PCDH9: variants seen among roughly 807,000 people sequenced by gnomAD.
The protein encoded by PCDH9 is protocadherin 9, also known as protocadherin-9.
PCDH9 carries 24 observed loss-of-function variants against 70.6 expected under a neutral mutation model. The ratio of observed to expected loss-of-function variants is 0.34; its 90% CI spans 0.25 to 0.48. The LOEUF is 0.48. Ranked by LOEUF, PCDH9 falls within the 20% of genes least tolerant of loss-of-function variation. The probability of loss-of-function intolerance (pLI) is 0.99; values close to 1 mark genes in which losing one functional copy is unlikely to be tolerated. For synonymous variants in PCDH9, 562 were observed against 558.5 expected (o/e 1.01, Z -0.09); for missense variants, 1,281 against 1,503.6 (o/e 0.85, Z 2.45).
chr13:66,895,100 G>A (rs1037988682), intron 3 of PCDH9, among the ~76,000 whole-genome samples: 1 of 152,042 alleles, frequency 6.6e-6, no homozygotes, highest in African/African-American at 2.4e-5. Context: ...GAGCCACCAC[G>A]CCCGGCCAAT....
At chr13:66,715,239 C>G (rs543557218) in intron 3 of PCDH9, among the ~76,000 whole-genome samples, 2 of 152,204 alleles carry the variant, frequency 1.3e-5, no homozygotes, top group African/African-American at 4.8e-5. Flanking sequence ...AAATCATTTT[C>G]TATTACACAG....
chr13:67,147,156 G>A lies in PCDH9; in HGVS notation c.3036+78249C>T, dbSNP rs970688901. Among the ~76,000 whole-genome samples, 7 of 152,050 alleles carry A rather than the reference G, an allele frequency of 4.6e-5. No homozygotes were observed. In the East Asian group the frequency reaches 5.8e-4, roughly 13 times the overall value. On this transcript the variant is annotated intron_variant, in intron 2 of 4. Coordinates refer to ENST00000377865, the MANE Select transcript of PCDH9 (RefSeq NM_203487.3). ...TTACAGTTCATCTGAAAAGACTTCCGAAATCATCATTTTCAGGCTTAACTT... is the reference window on the plus strand; with the variant it reads ...TTACAGTTCATCTGAAAAGACTTCCAAAATCATCATTTTCAGGCTTAACTT...
At chr13:66,845,484 GT>G (rs1249842913) in intron 3 of PCDH9, among the ~76,000 whole-genome samples, 8 of 152,222 alleles carry the variant, frequency 5.3e-5, no homozygotes, top group Non-Finnish European at 8.8e-5. Flanking sequence ...GGCTTCCTGG[GT>G]CCCCAAGAGT....
At chr13:66,954,001 T>C (rs533111624) in intron 2 of PCDH9, among the ~76,000 whole-genome samples, 29 of 152,334 alleles carry the variant, frequency 1.9e-4, no homozygotes, top group Admixed American at 1.2e-3. Context: ...ACAGCCAGCA[T>C]GCTTCACACT....
intron 3 of PCDH9, among the ~76,000 whole-genome samples, chr13:66,780,129 AT>A (rs1410008535): frequency 1.3e-5 from 2 of 151,964 alleles, no homozygotes; most frequent in Non-Finnish European, 2.9e-5. Context: ...AGGGGTATCT[AT>A]GTGAGATGAT....
intron 2 of PCDH9, among the ~76,000 whole-genome samples, chr13:67,060,217 G>A (rs2085512016): frequency 6.6e-6 from 1 of 152,086 alleles, no homozygotes; most frequent in Admixed American, 6.6e-5. Flanking sequence ...GAGCAAAAGA[G>A]ATCGTCCATG....
intron 3 of PCDH9, among the ~76,000 whole-genome samples, chr13:66,737,765 C>G (rs1313950234): frequency 7.2e-5 from 11 of 152,192 alleles, no homozygotes; most frequent in Non-Finnish European, 5.9e-5. Context: ...GCCACTCCCA[C>G]CCGAATATTG....
At chr13:66,899,061 A>G (rs2082233030) in intron 3 of PCDH9, among the ~76,000 whole-genome samples, 1 of 151,906 alleles carries the variant, frequency 6.6e-6, no homozygotes, top group Non-Finnish European at 1.5e-5. Context: ...CACCCCTCTT[A>G]CTCACCATTT....
At chr13:67,051,649 C>T (rs1361336635) in intron 2 of PCDH9, among the ~76,000 whole-genome samples, 1 of 151,860 alleles carries the variant, frequency 6.6e-6, no homozygotes, top group Admixed American at 6.6e-5. Context: ...CCCCAGCCTC[C>T]CAAAGTGCTG....
At chr13:66,444,192 A>G (rs1274104625) in intron 4 of PCDH9, among the ~76,000 whole-genome samples, 1 of 152,162 alleles carries the variant, frequency 6.6e-6, no homozygotes, top group Non-Finnish European at 1.5e-5. Flanking sequence ...TTCCACAAGA[A>G]ACTTTAACAA....
intron 4 of PCDH9, among the ~76,000 whole-genome samples, chr13:66,425,166 C>A (rs1957647285): frequency 6.6e-6 from 1 of 151,798 alleles, no homozygotes; most frequent in Non-Finnish European, 1.5e-5. Flanking sequence ...TATATATATT[C>A]TTTGAAAATA....
intron 2 of PCDH9, chr13:67,220,708 G>T (rs2089705531): frequency 6.6e-6 from 1 of 151,982 alleles, no homozygotes; most frequent in East Asian, 1.9e-4. Flanking sequence ...AATAATAAGA[G>T]AATAGAATAT....
chr13:67,205,668 G>C (rs2089321814), intron 2 of PCDH9: 1 of 152,152 alleles, frequency 6.6e-6, no homozygotes, highest in Admixed American at 6.5e-5. Context: ...TGGACAAAAA[G>C]GGTAGCATAT....
chr13:66,649,847 T>G (rs2077825391), intron 3 of PCDH9, among the ~76,000 whole-genome samples: 1 of 151,928 alleles, frequency 6.6e-6, no homozygotes, highest in African/African-American at 2.4e-5. Flanking sequence ...AGAGTTTTTA[T>G]TAGTTTCTTC....
chr13:66,731,250 C>G (rs1175514091), intron 3 of PCDH9, among the ~76,000 whole-genome samples: 4 of 151,988 alleles, frequency 2.6e-5, no homozygotes, highest in Non-Finnish European at 5.9e-5. Context: ...AAATAACTCA[C>G]TAAGGAAGCT....
chr13:66,853,510 G>A (rs1173356401), intron 3 of PCDH9, among the ~76,000 whole-genome samples: 1 of 151,940 alleles, frequency 6.6e-6, no homozygotes, highest in Non-Finnish European at 1.5e-5. Context: ...ATTGCACTAG[G>A]GATATATATT....
intron 3 of PCDH9, among the ~76,000 whole-genome samples, chr13:66,772,476 G>A (rs2079823444): frequency 6.6e-6 from 1 of 152,100 alleles, no homozygotes; most frequent in Non-Finnish European, 1.5e-5. Context: ...TGAAAGCTGT[G>A]TGTTATTCTT....
At chr13:66,317,474 TGG>T (rs1371071069) in intron 4 of PCDH9, among the ~76,000 whole-genome samples, 2 of 152,228 alleles carry the variant, frequency 1.3e-5, no homozygotes, top group Non-Finnish European at 2.9e-5. Flanking sequence ...TTAAAGGGAC[TGG>T]GAATTCCCCA....
At chr13:67,019,029 C>T (rs17070560) in intron 2 of PCDH9, among the ~76,000 whole-genome samples, 6,616 of 152,076 alleles carry the variant, frequency 0.044, 256 homozygotes, top group African/African-American at 0.11. Context: ...CCTTGAACAG[C>T]ACTTTGATTC....
Sources: gnomAD v4.1 joint callset for allele counts (sites outside exome capture counted in the v4.1 genomes callset) on GRCh38, gnomAD v4.1.1 for gene constraint, MANE v1.5 for transcripts, NCBI Gene and HGNC (gene_info 2026-07-23, HGNC 2026-07-21) for gene names.